Variants in RINT1 observed in about 807,000 individuals in gnomAD.
RINT1 encodes RAD50-interacting protein 1.
In RINT1, 75 loss-of-function variants were observed where a neutral mutation model predicts 97.7. The observed-to-expected ratio is 0.77, with a 90% CI of 0.64 to 0.93. RINT1 has a LOEUF of 0.93. RINT1 is among the 40% of genes least tolerant of loss of function. The pLI is 0.00. For missense variants in RINT1, 892 were observed against 925.2 expected, an observed-to-expected ratio of 0.96 and a Z score of 0.47; for synonymous variants, 303 against 326.3, an observed-to-expected ratio of 0.93 and a Z score of 0.77.
At chr7:105,534,171 G>A (rs1002868664) in intron 2 of RINT1, among the ~76,000 whole-genome samples, 5 of 152,040 alleles carry the variant, frequency 3.3e-5, no homozygotes, top group African/African-American at 1.2e-4. Flanking sequence ...CTGAGTTCAA[G>A]TAATTCCCCT....
At chr7:105,532,479 CT>C in intron 1 of RINT1, 122 bp downstream of exon 1, 1 of 1,166,294 alleles carries the variant, frequency 8.6e-7, no homozygotes. Context: ...CTTCCTGCGG[CT>C]TAGATTAGAG....
chr7:105,543,420 GA>G (rs925012794), intron 4 of RINT1, among the ~76,000 whole-genome samples: 1 of 151,756 alleles, frequency 6.6e-6, no homozygotes, highest in Non-Finnish European at 1.5e-5. Flanking sequence ...CTCTGGGTAG[GA>G]AAAACAAAAA....
At chr7:105,537,125 ATTT>A (rs5886357) in intron 3 of RINT1, among the ~76,000 whole-genome samples, 26,216 of 112,298 alleles carry the variant, frequency 0.23, 2,200 homozygotes, top group African/African-American at 0.33. Context: ...CATCATTTCA[ATTT>A]TTTTTTTTTT....
At chr7:105,564,099 A>AT (rs1009135312) in intron 12 of RINT1, 152 bp downstream of exon 12, 31 of 631,708 alleles carry the variant, frequency 4.9e-5, no homozygotes, top group African/African-American at 1.7e-4. Context: ...TCTCTTGGAC[A>AT]TTTTTTTTGA....
chr7:105,546,924 A>G lies in RINT1; in HGVS notation c.530A>G (p.Gln177Arg). 6.2e-7 allele frequency: 1 copy of G among 1,602,010 alleles called. No homozygotes were observed. Among genetic ancestry groups the G allele is most frequent in the South Asian group, 1.1e-5 (1 of 88,236 alleles). ...TTTGTTTACAGTGATAACATTCAGC[A>G]ATATCTGATGACCAATAATGTACCG... ...QIEELSDNIQQYLMTNNVPEA... is the reference protein window; with the variant it reads ...QIEELSDNIQRYLMTNNVPEA... The change falls in exon 5 of 15, where the codon CAA becomes CGA. Residue 177 changes from glutamine (Q) to arginine (R), a missense_variant. Coordinates refer to ENST00000257700, the MANE Select transcript of RINT1 (RefSeq NM_021930.6).
At chr7:105,563,567 G>A (rs1791539072) in intron 11 of RINT1, among the ~76,000 whole-genome samples, 166 bp from the exon 12 acceptor site, 1 of 152,010 alleles carries the variant, frequency 6.6e-6, no homozygotes. Flanking sequence ...CCTGACCTCA[G>A]GTGATCCACC....
Position 105,536,657 on chromosome 7 carries a change from G to T in RINT1, c.181G>T (p.Glu61Ter), listed in dbSNP as rs1240513498. 1 of 1,612,920 alleles carries T rather than the reference G, an allele frequency of 6.2e-7. No individual in the cohort carries two copies. The highest frequency in any genetic ancestry group is 8.5e-7 in the Non-Finnish European group (1 of 1,179,240). Residue 61 changes from glutamate to a stop codon, truncating the protein, a stop_gained, in exon 3 of 15, where the codon GAA (glutamate) becomes TAA (stop). Transcript: ENST00000257700. LOFTEE classifies it high-confidence loss of function. ...DLPSYVSAFI[E>*]KEVGNDLKSL... ...CCCTTCTTATGTGTCTGCATTCATAGAAAAGGAAGTTGGAAATGACCTTAA... is the reference window on the plus strand; with the variant it reads ...CCCTTCTTATGTGTCTGCATTCATATAAAAGGAAGTTGGAAATGACCTTAA...
At chr7:105,547,718 C>CTTTTT (rs34938925) in intron 6 of RINT1, among the ~76,000 whole-genome samples, 5 of 116,164 alleles carry the variant, frequency 4.3e-5, no homozygotes, top group South Asian at 2.9e-4. Flanking sequence ...CATTTTTGTG[C>CTTTTT]TTTTTTTTTT....
chr7:105,536,918 A>G (rs1043312584), intron 3 of RINT1, among the ~76,000 whole-genome samples, 169 bp downstream of exon 3: 1 of 152,204 alleles, frequency 6.6e-6, no homozygotes, highest in Non-Finnish European at 1.5e-5. Context: ...TATTTTACAA[A>G]TTAGGTAAAA....
intron 4 of RINT1, among the ~76,000 whole-genome samples, chr7:105,543,064 G>A (rs1303997800): frequency 1.3e-5 from 2 of 151,106 alleles, no homozygotes; most frequent in African/African-American, 4.9e-5. Context: ...TTTTTTTTTG[G>A]TATTTTTAGT....
chr7:105,562,282 G>A (rs999891026), intron 11 of RINT1, among the ~76,000 whole-genome samples: 5 of 152,136 alleles, frequency 3.3e-5, no homozygotes, highest in African/African-American at 7.2e-5. Context: ...ATGAGATCTC[G>A]TTCTTTCACC....
intron 11 of RINT1, among the ~76,000 whole-genome samples, chr7:105,555,524 A>C (rs1225294778): frequency 6.6e-6 from 1 of 152,250 alleles, no homozygotes; most frequent in Non-Finnish European, 1.5e-5. Context: ...TTGCAATCAC[A>C]GGAAGAGCTA....
rs200060805 is a variant in RINT1, at chr7:105,545,514, G to GTA, written c.516-1380_516-1379dup. ...CATTTGAAATTCTTCTGTAATATTT[G>GTA]TATATATATATATATATTTTTTTTT... On this transcript the variant is annotated intron_variant, in intron 4 of 14. Coordinates refer to ENST00000257700, the MANE Select transcript of RINT1 (RefSeq NM_021930.6). Among the ~76,000 whole-genome samples, 215 of 143,696 alleles carry GTA rather than the reference G, an allele frequency of 1.5e-3. 1 individual carries two copies. The highest frequency in any genetic ancestry group is 9.6e-3 in the East Asian group (48 of 5,002). The allele number at this position is 143,696 out of a possible 152,430, so 94.3% of individuals were successfully genotyped here.
intron 12 of RINT1, 189 bp from the exon 13 acceptor site, chr7:105,565,088 A>G (rs182141860): frequency 8.3e-5 from 37 of 445,024 alleles, no homozygotes; most frequent in Non-Finnish European, 1.3e-4. Flanking sequence ...CCCATATTAA[A>G]GAGTATTTGA....
intron 10 of RINT1, among the ~76,000 whole-genome samples, chr7:105,552,261 A>G (rs990448855): frequency 2.6e-5 from 4 of 152,196 alleles, no homozygotes; most frequent in African/African-American, 9.6e-5. Context: ...ATTAAATAGG[A>G]ATTTAATTTT....
intron 3 of RINT1, 143 bp downstream of exon 3, chr7:105,536,892 C>A: frequency 2.5e-6 from 1 of 401,334 alleles, no homozygotes; most frequent in Non-Finnish European, 4.0e-6. Flanking sequence ...GATTTAAGAA[C>A]GTACATTGTA....
intron 11 of RINT1, among the ~76,000 whole-genome samples, chr7:105,560,882 G>A (rs1413832534): frequency 2.6e-5 from 4 of 151,866 alleles, no homozygotes; most frequent in Non-Finnish European, 4.4e-5. Context: ...CACCATGCCC[G>A]ACTAACTTTT....
At chr7:105,536,247 C>T (rs1035938926) in intron 2 of RINT1, among the ~76,000 whole-genome samples, 1 of 152,182 alleles carries the variant, frequency 6.6e-6, no homozygotes, top group African/African-American at 2.4e-5. Context: ...CAACCTCTGC[C>T]TCTTGGGTTC....
intron 6 of RINT1, 26 bp from the exon 7 acceptor site, chr7:105,548,528 C>G (rs1292829392): frequency 1.2e-6 from 2 of 1,612,766 alleles, no homozygotes; most frequent in East Asian, 2.2e-5. Context: ...GCTTTTGATT[C>G]TTTTTCCTTG....
Sources: allele counts gnomAD v4.1 joint callset (sites outside exome capture counted in the v4.1 genomes callset), GRCh38; gene constraint gnomAD v4.1.1; transcripts MANE v1.5; gene names NCBI Gene and HGNC (gene_info 2026-07-23, HGNC 2026-07-21).